AKAP13: variants seen among roughly 807,000 people sequenced by gnomAD.
AKAP13 encodes A-kinase anchor protein 13.
Under a neutral mutation model 264.5 loss-of-function variants are expected in AKAP13, and 80 were observed. The observed-to-expected ratio is 0.30, with a 90% CI of 0.25 to 0.36. The LOEUF is 0.36. Ranked by LOEUF, AKAP13 falls within the 10% of genes least tolerant of loss-of-function variation. The pLI is 1.00. For missense variants in AKAP13, 3,712 were observed against 3,435.2 expected (o/e 1.08, Z -2.01); for synonymous variants, 1,380 against 1,250.2 (o/e 1.10, Z -2.19).
chr15:85,402,314 A>C (rs1036152090), intron 1 of AKAP13, among the ~76,000 whole-genome samples: 4 of 152,198 alleles, frequency 2.6e-5, no homozygotes, highest in African/African-American at 9.7e-5. Context: ...ATGGCCAAAA[A>C]ATCAGTTTGG....
At chr15:85,386,713 C>T (rs962265702) in intron 1 of AKAP13, among the ~76,000 whole-genome samples, 2 of 150,390 alleles carry the variant, frequency 1.3e-5, no homozygotes, top group African/African-American at 4.9e-5. Context: ...ACAATTTTTC[C>T]AGCAACAGTT....
chr15:85,700,119 C>G (rs144610016), intron 17 of AKAP13, among the ~76,000 whole-genome samples: 131 of 152,234 alleles, frequency 8.6e-4, no homozygotes, highest in Non-Finnish European at 1.4e-3. Context: ...TACATTATTT[C>G]TAGGTTACAA....
At chr15:85,687,368 G>T in intron 16 of AKAP13, among the ~76,000 whole-genome samples, 1 of 152,170 alleles carries the variant, frequency 6.6e-6, no homozygotes, top group Non-Finnish European at 1.5e-5. Context: ...AGGAGGAGAT[G>T]AGCAGAAAGG....
intron 26 of AKAP13, 111 bp downstream of exon 26, chr15:85,723,431 T>C: frequency 1.4e-6 from 2 of 1,446,068 alleles, no homozygotes; most frequent in Non-Finnish European, 9.3e-7. Context: ...AGCCCATCTC[T>C]AAACACTACC....
intron 16 of AKAP13, among the ~76,000 whole-genome samples, chr15:85,687,846 C>T (rs2085033000): frequency 6.6e-6 from 1 of 151,936 alleles, no homozygotes; most frequent in Non-Finnish European, 1.5e-5. Flanking sequence ...CAAGGTCAGC[C>T]TGGGCAGTAT....
chr15:85,637,464 A>G (rs879419442), intron 8 of AKAP13, among the ~76,000 whole-genome samples: 5 of 152,246 alleles, frequency 3.3e-5, no homozygotes, highest in Non-Finnish European at 5.9e-5. Flanking sequence ...TTCAATATCT[A>G]TAGGATCTGT....
intron 8 of AKAP13, among the ~76,000 whole-genome samples, chr15:85,589,602 A>G (rs1364425006): frequency 1.3e-5 from 2 of 151,586 alleles, no homozygotes; most frequent in African/African-American, 4.8e-5. Context: ...CTAAAAAAAA[A>G]AAAAAAAATA....
intron 17 of AKAP13, among the ~76,000 whole-genome samples, chr15:85,705,255 C>G (rs780757964): frequency 6.6e-6 from 1 of 152,116 alleles, no homozygotes; most frequent in African/African-American, 2.4e-5. Flanking sequence ...TAAAAATCAT[C>G]ATTGCTTAAA....
At chr15:85,598,270 G>A (rs2079904494) in intron 8 of AKAP13, among the ~76,000 whole-genome samples, 1 of 152,232 alleles carries the variant, frequency 6.6e-6, no homozygotes, top group African/African-American at 2.4e-5. Flanking sequence ...GCCTAGGCCT[G>A]GTCCATTCTG....
At chr15:85,417,201 T>C (rs1458364554) in intron 1 of AKAP13, among the ~76,000 whole-genome samples, 1 of 152,210 alleles carries the variant, frequency 6.6e-6, no homozygotes, top group Non-Finnish European at 1.5e-5. Context: ...ATATTAATAG[T>C]TTATCCTAGG....
At chr15:85,521,875 G>A (rs2076835372) in intron 3 of AKAP13, among the ~76,000 whole-genome samples, 1 of 152,026 alleles carries the variant, frequency 6.6e-6, no homozygotes, top group Non-Finnish European at 1.5e-5. Flanking sequence ...CTCCTACTTG[G>A]CAAAAATGAT....
chr15:85,514,760 T>C (rs942646747), intron 2 of AKAP13, among the ~76,000 whole-genome samples: 1 of 137,524 alleles, frequency 7.3e-6, no homozygotes, highest in Non-Finnish European at 1.5e-5. Context: ...GTGTTATCAA[T>C]TGCCTATCAA....
chr15:85,486,276 T>C (rs1209736471), intron 2 of AKAP13, among the ~76,000 whole-genome samples: 1 of 151,740 alleles, frequency 6.6e-6, no homozygotes, highest in Non-Finnish European at 1.5e-5. Flanking sequence ...GATAATGTTT[T>C]GTTGTTGCTT....
intron 1 of AKAP13, among the ~76,000 whole-genome samples, chr15:85,417,071 G>A (rs1360385443): frequency 2.0e-5 from 3 of 152,310 alleles, no homozygotes; most frequent in African/African-American, 2.4e-5. Context: ...AACTTGAACA[G>A]CTGATTTTTT....
At chr15:85,521,407 C>T (rs368738486) in intron 2 of AKAP13, 21 bp from the exon 3 acceptor site, 10 of 1,612,142 alleles carry the variant, frequency 6.2e-6, no homozygotes, top group Non-Finnish European at 8.5e-6. Context: ...TGTAAACTTG[C>T]TATATTGTTT....
At chr15:85,404,042 A>G (rs1596061054) in intron 1 of AKAP13, among the ~76,000 whole-genome samples, 1 of 152,086 alleles carries the variant, frequency 6.6e-6, no homozygotes, top group Non-Finnish European at 1.5e-5. Flanking sequence ...AGTAAACTTC[A>G]TTGTGTTAAC....
rs772640349 is a variant in AKAP13, at chr15:85,717,322, G to C, written c.5768G>C (p.Trp1923Ser). 1.9e-6 allele frequency: 3 copies of C among 1,612,246 alleles called. No individual in the cohort carries two copies. The highest frequency in any genetic ancestry group is 1.7e-6 in the Non-Finnish European group (2 of 1,179,618). ...AATGATGAGAACATGTCAAACACCT[G>C]GAAATTCCTGTCTCATTCAACAGAC... ...VGNDENMSNT[W>S]KFLSHSTDSL... The change falls in exon 21 of 37, where the codon TGG becomes TCG. Residue 1923 changes from tryptophan (W) to serine (S), a missense_variant. Around this residue, in one of 3 missense-constraint regions of AKAP13, gnomAD observed 2,759 missense variants for 2,411.7 expected, o/e 1.14. Coordinates refer to ENST00000394518, the MANE Select transcript of AKAP13 (RefSeq NM_007200.5).
At chr15:85,619,575 C>A in intron 8 of AKAP13, 2 of 985,440 alleles carry the variant, frequency 2.0e-6, no homozygotes, top group Non-Finnish European at 2.4e-6. Context: ...AGAACAGAAT[C>A]TAATGACTTT....
chr15:85,574,210 C>T (rs1032268797), intron 5 of AKAP13, among the ~76,000 whole-genome samples: 5 of 152,166 alleles, frequency 3.3e-5, no homozygotes, highest in African/African-American at 1.2e-4. Flanking sequence ...TGCTCAAGTA[C>T]AATAGTTAAT....
Sources: allele counts gnomAD v4.1 joint callset (sites outside exome capture counted in the v4.1 genomes callset), GRCh38; gene constraint gnomAD v4.1.1; regional missense constraint gnomAD v4.1.1; transcripts MANE v1.5; gene names NCBI Gene and HGNC (gene_info 2026-07-23, HGNC 2026-07-21).